Variants in ZNF892 observed in about 807,000 individuals in gnomAD.
ZNF892 encodes zinc finger protein 892.
the ZNF892 span, among the ~76,000 whole-genome samples, chr2:95,236,801 TA>T: frequency 6.6e-6 from 1 of 152,226 alleles, no homozygotes; most frequent in Non-Finnish European, 1.5e-5. Context: ...GAGAGTTTAC[TA>T]TAATAGAGTT....
chr2:95,213,289 T>TA, the ZNF892 span, among the ~76,000 whole-genome samples: 1 of 152,238 alleles, frequency 6.6e-6, no homozygotes, highest in African/African-American at 2.4e-5. Context: ...GTCCATTTGC[T>TA]TTTAACCTAT....
the ZNF892 span, among the ~76,000 whole-genome samples, chr2:95,217,904 A>T: frequency 6.6e-6 from 1 of 152,160 alleles, no homozygotes; most frequent in African/African-American, 2.4e-5. Flanking sequence ...TTGAAACAGG[A>T]GGCATCCCCA....
the ZNF892 span, among the ~76,000 whole-genome samples, chr2:95,212,722 T>A: frequency 6.6e-6 from 1 of 152,208 alleles, no homozygotes; most frequent in African/African-American, 2.4e-5. Flanking sequence ...ACTGCAGACT[T>A]TGGAACTAAG....
chr2:95,233,864 GA>G, the ZNF892 span, among the ~76,000 whole-genome samples: 1 of 151,668 alleles, frequency 6.6e-6, no homozygotes, highest in South Asian at 2.1e-4. Context: ...ATTTTTTGTA[GA>G]AATGGTGTTT....
chr2:95,216,974 T>C, the ZNF892 span, among the ~76,000 whole-genome samples: 1 of 152,218 alleles, frequency 6.6e-6, no homozygotes. Context: ...CATAACAAGA[T>C]AGCATAGACT....
the ZNF892 span, among the ~76,000 whole-genome samples, chr2:95,241,095 G>A: frequency 6.6e-6 from 1 of 152,208 alleles, no homozygotes; most frequent in Non-Finnish European, 1.5e-5. Flanking sequence ...AGTCCAAACT[G>A]TCCAGACCTG....
At chr2:95,261,484 G>A in the ZNF892 span, among the ~76,000 whole-genome samples, 1 of 152,032 alleles carries the variant, frequency 6.6e-6, no homozygotes, top group Non-Finnish European at 1.5e-5. Flanking sequence ...TAGTAGAGAC[G>A]GGGTTTCACC....
the ZNF892 span, among the ~76,000 whole-genome samples, chr2:95,228,176 A>T: frequency 1.3e-5 from 2 of 152,288 alleles, no homozygotes; most frequent in African/African-American, 4.8e-5. Flanking sequence ...TGTTTTGTAG[A>T]ATGTTCTACC....
chr2:95,253,299 T>C, the ZNF892 span, among the ~76,000 whole-genome samples: 1 of 152,244 alleles, frequency 6.6e-6, no homozygotes, highest in Non-Finnish European at 1.5e-5. Context: ...GCTTTCTACA[T>C]ATGACTAGCC....
the ZNF892 span, chr2:95,211,620 A>G: frequency 2.5e-6 from 1 of 398,566 alleles, no homozygotes; most frequent in Non-Finnish European, 4.4e-6. Context: ...TTTTTCAGGA[A>G]TTGATGATCA....
chr2:95,234,085 G>A, the ZNF892 span, among the ~76,000 whole-genome samples: 1 of 152,074 alleles, frequency 6.6e-6, no homozygotes, highest in African/African-American at 2.4e-5. Flanking sequence ...GTGCAGGCGC[G>A]ATCTCGGCTC....
At chr2:95,226,958 G>A in the ZNF892 span, among the ~76,000 whole-genome samples, 1 of 152,144 alleles carries the variant, frequency 6.6e-6, no homozygotes, top group Non-Finnish European at 1.5e-5. Context: ...TAGCATGCAA[G>A]GCAGGAAATT....
chr2:95,229,266 T>G, the ZNF892 span, among the ~76,000 whole-genome samples: 1 of 152,202 alleles, frequency 6.6e-6, no homozygotes, highest in African/African-American at 2.4e-5. Flanking sequence ...GGTCCATGGA[T>G]TCCTTTTAAA....
the ZNF892 span, among the ~76,000 whole-genome samples, chr2:95,235,802 T>C: frequency 1.3e-5 from 2 of 152,226 alleles, no homozygotes; most frequent in African/African-American, 4.8e-5. Context: ...AGTTTTACTT[T>C]TTAATGACTC....
At chr2:95,246,066 A>C in the ZNF892 span, among the ~76,000 whole-genome samples, 1 of 152,236 alleles carries the variant, frequency 6.6e-6, no homozygotes, top group East Asian at 1.9e-4. Context: ...ACAACAAAAA[A>C]AGAAATTTCA....
At chr2:95,219,752 G>A in the ZNF892 span, among the ~76,000 whole-genome samples, 1 of 152,170 alleles carries the variant, frequency 6.6e-6, no homozygotes, top group South Asian at 2.1e-4. Context: ...GTTGCAGGGG[G>A]TGCTGCCTCA....
chr2:95,255,944 C>T, the ZNF892 span, among the ~76,000 whole-genome samples: 1 of 152,166 alleles, frequency 6.6e-6, no homozygotes, highest in African/African-American at 2.4e-5. Context: ...AGCTCTTCCT[C>T]CATCCCTTTA....
chr2:95,206,384 G>A, the ZNF892 span, among the ~76,000 whole-genome samples: 7 of 152,108 alleles, frequency 4.6e-5, no homozygotes, highest in Non-Finnish European at 8.8e-5. Context: ...TTAAGCCGGC[G>A]GCCAAAGAGA....
At chr2:95,240,467 C>T in the ZNF892 span, among the ~76,000 whole-genome samples, 69 of 152,312 alleles carry the variant, frequency 4.5e-4, 1 homozygote, top group Admixed American at 9.8e-4. Flanking sequence ...GAGATCCCCT[C>T]GTGAGCCCAC....
Sources: gnomAD v4.1 joint callset for allele counts (sites outside exome capture counted in the v4.1 genomes callset) on GRCh38, gnomAD v4.1.1 for gene constraint, MANE v1.5 for transcripts, NCBI Gene and HGNC (gene_info 2026-07-23, HGNC 2026-07-21) for gene names.